Variants in APBA1 observed in about 807,000 individuals in gnomAD.
APBA1 encodes amyloid beta precursor protein binding family A member 1, also known as amyloid-beta A4 precursor protein-binding family A member 1.
A neutral mutation model predicts 86.6 loss-of-function variants in APBA1; 55 were observed. That is an observed-to-expected ratio of 0.64 (90% CI 0.51 to 0.80). The LOEUF is 0.80. APBA1 is among the 30% of genes least tolerant of loss of function. The pLI is 0.00. For synonymous variants in APBA1, 511 were observed against 493.9 expected, an observed-to-expected ratio of 1.03 and a Z score of -0.46; for missense variants, 1,090 against 1,183.0, an observed-to-expected ratio of 0.92 and a Z score of 1.15.
At chr9:69,440,653 G>A (rs1834802654) in intron 11 of APBA1, among the ~76,000 whole-genome samples, 1 of 152,188 alleles carries the variant, frequency 6.6e-6, no homozygotes, top group Non-Finnish European at 1.5e-5. Flanking sequence ...TAGGGTGGGA[G>A]TGACCCGATT....
At chr9:69,513,692 TG>T (rs1328308007) in intron 2 of APBA1, among the ~76,000 whole-genome samples, 1 of 152,228 alleles carries the variant, frequency 6.6e-6, no homozygotes, top group Admixed American at 6.5e-5. Flanking sequence ...GTCCCCTTGC[TG>T]GGGAGAATGA....
At chr9:69,591,684 C>G (rs1320103937) in intron 1 of APBA1, among the ~76,000 whole-genome samples, 3 of 152,176 alleles carry the variant, frequency 2.0e-5, no homozygotes, top group Non-Finnish European at 2.9e-5. Context: ...CCCTCATTTT[C>G]CCGCCTTTTA....
intron 1 of APBA1, among the ~76,000 whole-genome samples, chr9:69,556,554 T>C (rs1836862503): frequency 6.6e-6 from 1 of 152,206 alleles, no homozygotes; most frequent in South Asian, 2.1e-4. Flanking sequence ...AAGGGACCAA[T>C]AGTTAGCACT....
At chr9:69,486,118 A>G (rs1382429209) in intron 2 of APBA1, among the ~76,000 whole-genome samples, 1 of 151,872 alleles carries the variant, frequency 6.6e-6, no homozygotes, top group Non-Finnish European at 1.5e-5. Context: ...CACCCAGCTA[A>G]TTTTTGTATT....
chr9:69,521,051 G>A (rs939873623), intron 1 of APBA1, among the ~76,000 whole-genome samples: 3 of 152,148 alleles, frequency 2.0e-5, no homozygotes, highest in Admixed American at 6.6e-5. Flanking sequence ...CATTTTCCAC[G>A]TGACACATTT....
chr9:69,433,808 C>CTTT (rs35255395), intron 11 of APBA1, among the ~76,000 whole-genome samples: 12 of 128,432 alleles, frequency 9.3e-5, no homozygotes, highest in African/African-American at 3.2e-4. Flanking sequence ...TTACCTAGGA[C>CTTT]TTTTTTTTTT....
chr9:69,458,305 GGGA>G, intron 5 of APBA1, 117 bp from the exon 6 acceptor site: 3 of 835,682 alleles, frequency 3.6e-6, no homozygotes, highest in East Asian at 5.6e-5. Flanking sequence ...GCGTTTCTGT[GGGA>G]GGAGGACTGG....
chr9:69,537,845 T>G (rs1182683344), intron 1 of APBA1, among the ~76,000 whole-genome samples: 4 of 152,054 alleles, frequency 2.6e-5, no homozygotes, highest in Non-Finnish European at 4.4e-5. Context: ...ACTTTTTGTC[T>G]GTCACATTGT....
intron 2 of APBA1, among the ~76,000 whole-genome samples, chr9:69,497,269 T>C (rs144180312): frequency 2.0e-4 from 31 of 151,912 alleles, no homozygotes; most frequent in African/African-American, 7.5e-4. Context: ...AAGAGGAGGA[T>C]CCACATGCCT....
chr9:69,526,685 G>T (rs142953173), intron 1 of APBA1, among the ~76,000 whole-genome samples: 1 of 152,096 alleles, frequency 6.6e-6, no homozygotes, highest in Non-Finnish European at 1.5e-5. Context: ...ACTACAATTC[G>T]ACCCAGCAAT....
chr9:69,599,193 A>G (rs540302140), intron 1 of APBA1, among the ~76,000 whole-genome samples: 8 of 152,366 alleles, frequency 5.3e-5, no homozygotes, highest in African/African-American at 1.9e-4. Context: ...AATGGCTAAA[A>G]TGGTAAATTT....
chr9:69,629,234 C>A (rs865962034), intron 1 of APBA1, among the ~76,000 whole-genome samples: 2 of 152,244 alleles, frequency 1.3e-5, no homozygotes, highest in African/African-American at 4.8e-5. Context: ...TAATTAATGA[C>A]AAGATTAATA....
chr9:69,638,956 G>T (rs560679752), intron 1 of APBA1, among the ~76,000 whole-genome samples: 25 of 152,076 alleles, frequency 1.6e-4, no homozygotes, highest in African/African-American at 6.0e-4. Flanking sequence ...GAAATATATA[G>T]ACAGGGACAG....
chr9:69,624,974 C>T (rs183257943), intron 1 of APBA1, among the ~76,000 whole-genome samples: 7 of 152,316 alleles, frequency 4.6e-5, no homozygotes, highest in Admixed American at 6.5e-5. Flanking sequence ...CAACCCACAG[C>T]AACAGCCTGC....
chr9:69,525,470 T>G (rs1836327463), intron 1 of APBA1, among the ~76,000 whole-genome samples: 1 of 151,964 alleles, frequency 6.6e-6, no homozygotes. Flanking sequence ...AATAACTCAA[T>G]TCCGTTTCAA....
chr9:69,567,412 A>G (rs1564079350), intron 1 of APBA1, among the ~76,000 whole-genome samples: 1 of 151,570 alleles, frequency 6.6e-6, no homozygotes, highest in Non-Finnish European at 1.5e-5. Context: ...GAATTTTTTT[A>G]TTTTTTTATT....
intron 2 of APBA1, among the ~76,000 whole-genome samples, chr9:69,482,691 T>C (rs191897149): frequency 2.6e-5 from 4 of 151,954 alleles, no homozygotes; most frequent in African/African-American, 7.2e-5. Flanking sequence ...TATTGCGGCA[T>C]TAGTCGCAAT....
At chr9:69,524,685 G>A (rs1033412962) in intron 1 of APBA1, among the ~76,000 whole-genome samples, 9 of 151,808 alleles carry the variant, frequency 5.9e-5, no homozygotes, top group Admixed American at 2.0e-4. Flanking sequence ...CAATTCTACT[G>A]AAACTATTAC....
At chr9:69,651,103 T>C (rs1035726201) in intron 1 of APBA1, among the ~76,000 whole-genome samples, 1 of 152,238 alleles carries the variant, frequency 6.6e-6, no homozygotes, top group African/African-American at 2.4e-5. Flanking sequence ...AAACTACTGA[T>C]ACGTGTAATA....
Sources: allele counts gnomAD v4.1 joint callset (sites outside exome capture counted in the v4.1 genomes callset), GRCh38; gene constraint gnomAD v4.1.1; transcripts MANE v1.5; gene names NCBI Gene and HGNC (gene_info 2026-07-23, HGNC 2026-07-21).